PTPRA: variants seen among roughly 807,000 people sequenced by gnomAD.
The protein encoded by PTPRA is protein tyrosine phosphatase receptor type A.
PTPRA carries 25 observed loss-of-function variants against 104.8 expected under a neutral mutation model. That is an observed-to-expected ratio of 0.24 (90% CI 0.17 to 0.33). The LOEUF is 0.33. Among genes scored for constraint, PTPRA ranks in the 10% least tolerant of loss-of-function variants. The pLI is 1.00. For synonymous variants in PTPRA, 323 were observed against 368.9 expected, an observed-to-expected ratio of 0.88 and a Z score of 1.43; for missense variants, 765 against 1,015.3, an observed-to-expected ratio of 0.75 and a Z score of 3.35.
At chr20:3,017,950 C>T (rs1342436694) in intron 13 of PTPRA, 37 bp downstream of exon 13, 1 of 1,534,804 alleles carries the variant, frequency 6.5e-7, no homozygotes, top group Non-Finnish European at 9.0e-7. Flanking sequence ...GCAGAAGGAT[C>T]ACTCTGCATA....
Position 2,964,720 on chromosome 20 carries a change from G to A in PTPRA, c.74-141G>A, listed in dbSNP as rs2061883018. ...GTCCAGCATGAGATAAAAACGTAGG[G>A]GGTGGGTGGTGTTGAGGGGGATTGG... is the stretch of plus-strand genomic sequence containing the variant. On this transcript the variant is annotated intron_variant, in intron 4 of 23. Coordinates refer to ENST00000399903, the MANE Select transcript of PTPRA (RefSeq NM_001385305.1). The A allele has an allele frequency of 9.9e-6, 7 of 709,258 alleles. No individual in the cohort carries two copies. In the South Asian group the frequency reaches 1.3e-4, roughly 14 times the overall value. The allele number at this position is 709,258 out of a possible 1,614,324, so 43.9% of individuals were successfully genotyped here. A position where few individuals can be genotyped will look rare whatever the true frequency, so the allele number is the denominator to read the frequency against.
chr20:2,915,180 T>C (rs2059857534), intron 1 of PTPRA, among the ~76,000 whole-genome samples: 1 of 152,096 alleles, frequency 6.6e-6, no homozygotes, highest in South Asian at 2.1e-4. Flanking sequence ...CCTCAAACTT[T>C]CACTGGGCTC....
At chr20:3,027,218 CT>C (rs1176669856) in intron 19 of PTPRA, 21 bp downstream of exon 19, 1 of 1,608,898 alleles carries the variant, frequency 6.2e-7, no homozygotes, top group Non-Finnish European at 8.5e-7. Flanking sequence ...GGTGTGACCC[CT>C]GAGCCCCCAA....
At chr20:2,956,786 A>G (rs932543608) in intron 3 of PTPRA, among the ~76,000 whole-genome samples, 2 of 152,216 alleles carry the variant, frequency 1.3e-5, no homozygotes, top group African/African-American at 2.4e-5. Flanking sequence ...ACAATGCTAC[A>G]TTGAATAACC....
At chr20:2,998,911 AATATGACATATTTATAATTTATTAT>A (rs1239786380) in intron 9 of PTPRA, among the ~76,000 whole-genome samples, 1 of 134,708 alleles carries the variant, frequency 7.4e-6, no homozygotes, top group Non-Finnish European at 1.6e-5. Context: ...AGAATTAATA[AATATGACATATTTATAATTTATTAT>A]ATATGACATA....
chr20:3,018,388 T>C (rs1371104314), intron 13 of PTPRA, among the ~76,000 whole-genome samples: 1 of 151,768 alleles, frequency 6.6e-6, no homozygotes, highest in African/African-American at 2.4e-5. Context: ...GCAGTGTTTG[T>C]GTCCCTGGGT....
chr20:2,884,269 A>G (rs2090244180), intron 1 of PTPRA, among the ~76,000 whole-genome samples: 1 of 152,112 alleles, frequency 6.6e-6, no homozygotes, highest in South Asian at 2.1e-4. Flanking sequence ...ACCTAGGAGT[A>G]GGATTGCTGG....
Position 3,037,283 on chromosome 20 carries a change from G to C in PTPRA, c.2328G>C (p.Gln776His). ...GGCTACAGAGGCCACACATGGTCCA[G>C]ACACTGGTATGCTGCCCACATATTT... ...SLRLQRPHMV[Q>H]TLEQYEFCYK... The change falls in exon 23 of 24, where the codon CAG becomes CAC. Residue 776 changes from glutamine (Q) to histidine (H), a missense_variant. This residue lies in a region of PTPRA where 72 missense variants were observed against 140.7 expected (regional missense o/e 0.51). Coordinates refer to ENST00000399903, the MANE Select transcript of PTPRA (RefSeq NM_001385305.1). The surrounding 1 kb of genome is among the most constrained non-coding windows in gnomAD (Gnocchi z 4.3). 2 of 1,614,098 alleles carry C rather than the reference G, an allele frequency of 1.2e-6. No homozygotes were observed. Among genetic ancestry groups the C allele is most frequent in the Middle Eastern group, 3.3e-4 (2 of 6,060 alleles).
At chr20:2,973,779 AAT>A (rs572932970) in intron 5 of PTPRA, among the ~76,000 whole-genome samples, 27 of 152,232 alleles carry the variant, frequency 1.8e-4, no homozygotes, top group Middle Eastern at 6.8e-3. Context: ...AGGAGTCTCA[AAT>A]ATAGTCTGCC....
At chr20:2,901,749 G>T (rs528513337) in intron 1 of PTPRA, among the ~76,000 whole-genome samples, 1 of 152,100 alleles carries the variant, frequency 6.6e-6, no homozygotes, top group Non-Finnish European at 1.5e-5. Flanking sequence ...TACTTCTAGA[G>T]CATACAGGAT....
intron 6 of PTPRA, 45 bp from the exon 7 acceptor site, chr20:2,986,720 C>T: frequency 1.3e-6 from 2 of 1,528,064 alleles, no homozygotes; most frequent in Non-Finnish European, 1.8e-6. Context: ...TTAAGCCCTC[C>T]ATTGCACAAC....
chr20:2,972,776 G>A (rs748138793), intron 5 of PTPRA, among the ~76,000 whole-genome samples: 1 of 151,958 alleles, frequency 6.6e-6, no homozygotes, highest in Non-Finnish European at 1.5e-5. Flanking sequence ...GGAGTGCAGT[G>A]GCATGATCTC....
chr20:3,010,759 C>T (rs1198811036), intron 11 of PTPRA, among the ~76,000 whole-genome samples: 1 of 152,210 alleles, frequency 6.6e-6, no homozygotes, highest in African/African-American at 2.4e-5. Flanking sequence ...CCACCCTGTC[C>T]TCAGGACCAG....
At chr20:3,020,634 C>G (rs947161413) in intron 13 of PTPRA, among the ~76,000 whole-genome samples, 5 of 152,206 alleles carry the variant, frequency 3.3e-5, no homozygotes, top group Non-Finnish European at 7.3e-5. Context: ...TATCACTGGG[C>G]CACAGCCAGA....
intron 1 of PTPRA, among the ~76,000 whole-genome samples, chr20:2,886,460 G>A (rs534811370): frequency 6.6e-6 from 1 of 152,120 alleles, no homozygotes; most frequent in Non-Finnish European, 1.5e-5. Flanking sequence ...CTCTACTGTT[G>A]TATATGTTTG....
At chr20:3,033,700 G>A (rs1350674632) in intron 20 of PTPRA, among the ~76,000 whole-genome samples, 7 of 151,950 alleles carry the variant, frequency 4.6e-5, no homozygotes, top group East Asian at 3.9e-4. Context: ...TCGGGAGTTC[G>A]AGACCAGCCT....
intron 22 of PTPRA, among the ~76,000 whole-genome samples, chr20:3,036,335 A>G (rs376613995): frequency 4.3e-4 from 65 of 152,330 alleles, no homozygotes; most frequent in African/African-American, 1.5e-3. Context: ...TGAATTTTGT[A>G]TGGGGCATGT....
chr20:2,997,004 G>T (rs2063423575), intron 9 of PTPRA, among the ~76,000 whole-genome samples: 1 of 152,122 alleles, frequency 6.6e-6, no homozygotes, highest in Non-Finnish European at 1.5e-5. Context: ...TAATAGCAAA[G>T]AAGATAAAAA....
At chr20:2,964,121 C>T (rs2076945206) in intron 3 of PTPRA, 151 bp from the exon 4 acceptor site, 4 of 642,856 alleles carry the variant, frequency 6.2e-6, no homozygotes, top group Non-Finnish European at 1.1e-5. Flanking sequence ...TATTGGATAT[C>T]TGAGGAAGCA....
Sources: allele counts gnomAD v4.1 joint callset (sites outside exome capture counted in the v4.1 genomes callset), GRCh38; gene constraint gnomAD v4.1.1; regional missense constraint gnomAD v4.1.1; non-coding constraint Gnocchi (gnomAD v3.1); transcripts MANE v1.5; gene names NCBI Gene and HGNC (gene_info 2026-07-23, HGNC 2026-07-21).